Variants in ZFR2 observed in about 807,000 individuals in gnomAD.
ZFR2 encodes zinc finger RNA-binding protein 2.
In ZFR2, 104 loss-of-function variants were observed where a neutral mutation model predicts 105.7. The ratio of observed to expected loss-of-function variants is 0.98; its 90% CI spans 0.84 to 1.16. ZFR2 has a LOEUF of 1.16. Ranked by LOEUF, ZFR2 falls within the 50% of genes most tolerant of loss-of-function variation. The pLI is 0.00. For synonymous variants in ZFR2, 634 were observed against 597.7 expected (o/e 1.06, Z -0.89); for missense variants, 1,425 against 1,355.5 (o/e 1.05, Z -0.80).
At chr19:3,852,928 C>T (rs531636989) in intron 1 of ZFR2, among the ~76,000 whole-genome samples, 24 of 152,316 alleles carry the variant, frequency 1.6e-4, no homozygotes, top group African/African-American at 5.1e-4. Context: ...CTGTTCAGCA[C>T]CCTGCAGTGC....
intron 1 of ZFR2, among the ~76,000 whole-genome samples, chr19:3,843,554 C>T (rs563585782): frequency 3.4e-5 from 5 of 147,338 alleles, no homozygotes; most frequent in Non-Finnish European, 6.0e-5. Context: ...AAGTCCTGGC[C>T]GGGCGCGGTG....
chr19:3,810,170 G>T (rs563651871), intron 16 of ZFR2, among the ~76,000 whole-genome samples: 1 of 152,106 alleles, frequency 6.6e-6, no homozygotes, highest in Non-Finnish European at 1.5e-5. Flanking sequence ...CCCGCAGGGC[G>T]GGGGGGAGGC....
intron 1 of ZFR2, among the ~76,000 whole-genome samples, chr19:3,863,979 A>C (rs2038401920): frequency 6.6e-6 from 1 of 152,140 alleles, no homozygotes; most frequent in Non-Finnish European, 1.5e-5. Context: ...GAGAATCAAT[A>C]ACCAGCAACG....
At chr19:3,867,285 C>A (rs760464209) in intron 1 of ZFR2, among the ~76,000 whole-genome samples, 1 of 122,760 alleles carries the variant, frequency 8.1e-6, no homozygotes, top group Non-Finnish European at 1.7e-5. Context: ...AAGGGTGACA[C>A]GCGGAAATGA....
rs2037936197 is a variant in ZFR2 at position 3,825,280 on chromosome 19, C to T, written c.1163G>A (p.Ser388Asn). ...SPTGPSVCAS[S>N]RPALAKRPVA... ...GGGTCTCTTGGCCAGCGCTGGCCTG[C>T]TCGAGGCACACACGCTGGGGCCAGT... The change falls in exon 7 of 19, where the codon AGC (serine) becomes AAC (asparagine). Residue 388 changes from serine (S) to asparagine (N), a missense_variant. Coordinates refer to ENST00000262961, the MANE Select transcript of ZFR2 (RefSeq NM_015174.2). 1.3e-6 allele frequency: 2 copies of T among 1,575,882 alleles called. No individual in the cohort carries two copies. Among genetic ancestry groups the T allele is most frequent in the Non-Finnish European group, 8.6e-7 (1 of 1,167,612 alleles).
rs1294911054 is a variant in ZFR2, at chr19:3,805,603, G to A, written c.*346C>T. 3 of 204,918 alleles carry A rather than the reference G, an allele frequency of 1.5e-5. No homozygotes were observed. Among genetic ancestry groups the A allele is most frequent in the South Asian group, 1.4e-4 (1 of 7,352 alleles). 12.7% of individuals were successfully genotyped at this position (204,918 alleles called of 1,614,324 possible). On this transcript the variant is annotated 3_prime_UTR_variant, in exon 19 of 19. Coordinates refer to ENST00000262961, the MANE Select transcript of ZFR2 (RefSeq NM_015174.2). ...TGACCTCAGGCGATCTGCCCACCTC[G>A]GCCTCTCAAAGTGCTGGGATTACAG...
At chr19:3,825,157 A>G in intron 7 of ZFR2, 73 bp downstream of exon 7, 1 of 1,390,410 alleles carries the variant, frequency 7.2e-7, no homozygotes, top group Non-Finnish European at 9.3e-7. Flanking sequence ...TGGATGGTAG[A>G]TTTTCTCACG....
At position 3,833,736 on chromosome 19, in the gene ZFR2, C is replaced by A. The variant is rs777058245; in HGVS notation, c.307G>T (p.Glu103Ter). ...YGQSAAARSY[E>*]DRPYFQSAAL... Reference sequence around the variant, plus strand: ...GCAGACTGGAAGTACGGCCTGTCCTCATAGCTCCTGGCAGCTGCTGACTGT... The same window carrying A: ...GCAGACTGGAAGTACGGCCTGTCCTAATAGCTCCTGGCAGCTGCTGACTGT... The change falls in exon 3 of 19, where the codon GAG becomes TAG. Residue 103 changes from glutamate (E) to a stop codon, truncating the protein, a stop_gained. Coordinates refer to ENST00000262961, the MANE Select transcript of ZFR2 (RefSeq NM_015174.2). LOFTEE classifies it high-confidence loss of function. The A allele has an allele frequency of 1.3e-6, 2 of 1,583,664 alleles. No individual in the cohort carries two copies. Among genetic ancestry groups the A allele is most frequent in the East Asian group, 2.3e-5 (1 of 43,400 alleles).
chr19:3,817,569 T>TAAC (rs1555753966), intron 12 of ZFR2, among the ~76,000 whole-genome samples: 1 of 88,992 alleles, frequency 1.1e-5, no homozygotes, highest in African/African-American at 5.2e-5. Flanking sequence ...AAAATAATGA[T>TAAC]AATAATAATA....
At chr19:3,824,247 CTA>C (rs1175111695) in intron 7 of ZFR2, among the ~76,000 whole-genome samples, 1 of 152,180 alleles carries the variant, frequency 6.6e-6, no homozygotes, top group African/African-American at 2.4e-5. Flanking sequence ...CTGCAGTGAG[CTA>C]TGATTGCACC....
At chr19:3,809,968 T>G (rs1031481597) in intron 16 of ZFR2, among the ~76,000 whole-genome samples, 2 of 151,226 alleles carry the variant, frequency 1.3e-5, no homozygotes, top group Non-Finnish European at 2.9e-5. Context: ...TAAAAAAAAG[T>G]AAAAAAGAGA....
intron 1 of ZFR2, among the ~76,000 whole-genome samples, chr19:3,840,962 G>A (rs886991924): frequency 2.0e-5 from 3 of 152,144 alleles, no homozygotes; most frequent in Admixed American, 1.3e-4. Context: ...AGGTCACGCC[G>A]GTCACTGCAC....
chr19:3,838,031 T>C lies in ZFR2; in HGVS notation c.54-3048A>G, dbSNP rs982535960. On this transcript the variant is annotated intron_variant, in intron 1 of 18. Coordinates refer to ENST00000262961, the MANE Select transcript of ZFR2 (RefSeq NM_015174.2). The surrounding 1 kb of genome is among the most constrained non-coding windows in gnomAD (Gnocchi z 4.9). The stretch of plus-strand genomic sequence containing the variant: ...TGTGACACTTGATGAACACCGTGAC[T>C]GTGACACACGATGAACACCATGACC... Among the ~76,000 whole-genome samples, 3 of 150,002 alleles carry C rather than the reference T, an allele frequency of 2.0e-5. No individual in the cohort carries two copies. The highest frequency in any genetic ancestry group is 3.0e-5 in the Non-Finnish European group (2 of 67,610).
rs201856128 is a variant in ZFR2, at chr19:3,831,488, G to A, written c.667C>T (p.Pro223Ser). 81 of 1,550,798 alleles carry A rather than the reference G, an allele frequency of 5.2e-5. No homozygotes were observed. The highest frequency in any genetic ancestry group is 4.4e-4 in the East Asian group (18 of 41,106). The change falls in exon 5 of 19, where the codon CCC becomes TCC. Residue 223 changes from proline (P) to serine (S), a missense_variant. Transcript: ENST00000262961. ...AASPFYPPAQ[P>S]PPPPGPPQQL... The stretch of plus-strand genomic sequence containing the variant: ...TGCGGGGGTCCCGGGGGAGGCGGGG[G>A]CTGCGCTGGAGGATAGAAAGGGCTG...
chr19:3,812,069 G>A (rs555579875), intron 14 of ZFR2, among the ~76,000 whole-genome samples: 4 of 152,144 alleles, frequency 2.6e-5, no homozygotes, highest in African/African-American at 7.2e-5. Context: ...TCAACCTCCT[G>A]AGTAGCTGGG....
In ZFR2 at chr19:3,834,325, C is replaced by T. The variant is rs2038053953; in HGVS notation, c.264+448G>A. On this transcript the variant is annotated intron_variant, in intron 2 of 18. Coordinates refer to ENST00000262961, the MANE Select transcript of ZFR2 (RefSeq NM_015174.2). This position sits in a 1 kb window ranked among gnomAD's most constrained non-coding sequence, Gnocchi z 5.3. The stretch of plus-strand genomic sequence containing the variant: ...TTGGGAAGGTGAGGTCGTCAGCACC[C>T]AGGTGCACCCCACACACCACAGACT... Among the ~76,000 whole-genome samples the T allele has an allele frequency of 6.8e-6, 1 of 147,160 alleles. No individual in the cohort carries two copies. The highest frequency in any genetic ancestry group is 2.4e-5 in the African/African-American group (1 of 41,040).
At position 3,827,456 on chromosome 19, in the gene ZFR2, C is replaced by T. The variant is rs748178626; in HGVS notation, c.1035+15G>A. On this transcript the variant is annotated intron_variant, in intron 6 of 18. Transcript: ENST00000262961. ...CTCCCCAGGGTGGCAGAGCCTGGGC[C>T]GGGCGGGGCCGTACCTTCTGGTGCT... is the stretch of plus-strand genomic sequence containing the variant. 45 of 1,519,828 alleles carry T rather than the reference C, an allele frequency of 3.0e-5. No homozygotes were observed. The highest frequency in any genetic ancestry group is 7.0e-5 in the African/African-American group (5 of 71,788). 94.1% of individuals were successfully genotyped at this position (1,519,828 alleles called of 1,614,324 possible).
rs2038049328 is a variant in ZFR2 at position 3,834,033 on chromosome 19, A to G, written c.265-255T>C. On this transcript the variant is annotated intron_variant, in intron 2 of 18. Coordinates refer to ENST00000262961, the MANE Select transcript of ZFR2 (RefSeq NM_015174.2). This position sits in a 1 kb window ranked among gnomAD's most constrained non-coding sequence, Gnocchi z 5.3. Reference sequence around the variant, plus strand: ...TTCCAAGAGTTCGACTGCAATTTACAAGAGGACGCTTGGTGCGGCAGGAGA... The same window carrying G: ...TTCCAAGAGTTCGACTGCAATTTACGAGAGGACGCTTGGTGCGGCAGGAGA... Among the ~76,000 whole-genome samples the G allele has an allele frequency of 6.6e-6, 1 of 152,104 alleles. No individual in the cohort carries two copies. The highest frequency in any genetic ancestry group is 6.5e-5 in the Admixed American group (1 of 15,272).
intron 5 of ZFR2, 136 bp from the exon 6 acceptor site, chr19:3,827,789 G>T: frequency 1.1e-6 from 1 of 941,638 alleles, no homozygotes; most frequent in Non-Finnish European, 1.6e-6. Context: ...TCCATTCCCT[G>T]GTGCCATGGA....
Sources: allele counts gnomAD v4.1 joint callset (sites outside exome capture counted in the v4.1 genomes callset), GRCh38; gene constraint gnomAD v4.1.1; non-coding constraint Gnocchi (gnomAD v3.1); transcripts MANE v1.5; gene names NCBI Gene and HGNC (gene_info 2026-07-23, HGNC 2026-07-21).